SAP30BP: variants seen among roughly 807,000 people sequenced by gnomAD.
SAP30BP encodes SAP30 binding protein.
In SAP30BP, 31 loss-of-function variants were observed where a neutral mutation model predicts 46.3. The observed-to-expected ratio is 0.67, with a 90% CI of 0.50 to 0.90. SAP30BP has a LOEUF of 0.90. SAP30BP is among the 40% of genes least tolerant of loss of function. The pLI is 0.00. For missense variants in SAP30BP, 312 were observed against 391.0 expected (o/e 0.80, Z 1.70); for synonymous variants, 169 against 144.2 (o/e 1.17, Z -1.23).
chr17:75,687,920 GT>G (rs869119664), intron 3 of SAP30BP, among the ~76,000 whole-genome samples: 1 of 90,360 alleles, frequency 1.1e-5, no homozygotes, highest in African/African-American at 3.7e-5. Flanking sequence ...TGTTTGGGGT[GT>G]GTGTGTGTGT....
chr17:75,674,330 T>C (rs1054244912), intron 3 of SAP30BP, among the ~76,000 whole-genome samples: 1 of 152,174 alleles, frequency 6.6e-6, no homozygotes, highest in Non-Finnish European at 1.5e-5. Context: ...AGTCTTGCTC[T>C]GTCGCTCAGG....
chr17:75,682,345 C>T (rs933337873), intron 3 of SAP30BP, among the ~76,000 whole-genome samples: 3 of 151,976 alleles, frequency 2.0e-5, no homozygotes, highest in South Asian at 2.1e-4. Flanking sequence ...CCACCACACC[C>T]GGCTAATTTT....
chr17:75,703,933 C>T (rs1265478821), intron 8 of SAP30BP, 74 bp downstream of exon 8: 1 of 1,086,724 alleles, frequency 9.2e-7, no homozygotes, highest in Non-Finnish European at 1.4e-6. Flanking sequence ...AGTTGGTTAT[C>T]CAGGTGACAC....
intron 9 of SAP30BP, chr17:75,705,757 G>A: frequency 1.8e-6 from 2 of 1,099,530 alleles, no homozygotes; most frequent in Non-Finnish European, 2.4e-6. Context: ...GGCGGGGGGT[G>A]CCGGGCATGT....
At chr17:75,684,055 G>A (rs2148392553) in intron 3 of SAP30BP, 1 of 152,322 alleles carries the variant, frequency 6.6e-6, no homozygotes, top group Admixed American at 6.5e-5. Flanking sequence ...TGAACCAACA[G>A]CTTCCTAGAA....
At chr17:75,692,194 C>T in intron 3 of SAP30BP, 1 of 984,906 alleles carries the variant, frequency 1.0e-6, no homozygotes, top group Non-Finnish European at 1.2e-6. Flanking sequence ...TCAGGAGGGA[C>T]TTTCTGGAAA....
intron 4 of SAP30BP, 55 bp downstream of exon 4, chr17:75,693,537 G>A (rs1938682396): frequency 1.9e-6 from 3 of 1,567,466 alleles, no homozygotes; most frequent in Non-Finnish European, 2.6e-6. Context: ...CTAGCAGCCT[G>A]GCTTCCAGCC....
intron 3 of SAP30BP, among the ~76,000 whole-genome samples, chr17:75,683,139 G>A (rs868022450): frequency 2.7e-5 from 4 of 149,978 alleles, no homozygotes; most frequent in Admixed American, 2.0e-4. Flanking sequence ...CCCTCCTGGG[G>A]TTCAAGCAAT....
chr17:75,693,311 C>T, intron 3 of SAP30BP, 129 bp from the exon 4 acceptor site: 1 of 742,836 alleles, frequency 1.3e-6, no homozygotes, highest in Non-Finnish European at 2.3e-6. Flanking sequence ...GAAGCATCAG[C>T]TTACCCTTAG....
intron 3 of SAP30BP, among the ~76,000 whole-genome samples, chr17:75,682,586 A>G (rs1317456027): frequency 6.6e-6 from 1 of 152,208 alleles, no homozygotes; most frequent in Non-Finnish European, 1.5e-5. Context: ...ATCTATATAT[A>G]AACATTTTCA....
intron 9 of SAP30BP, chr17:75,705,038 C>T (rs1185906551): frequency 1.9e-6 from 1 of 533,268 alleles, no homozygotes; most frequent in Non-Finnish European, 3.4e-6. Flanking sequence ...TACATTGTGC[C>T]CCCCTTTCCT....
chr17:75,695,517 T>A (rs573960562), intron 4 of SAP30BP, among the ~76,000 whole-genome samples: 19 of 152,226 alleles, frequency 1.2e-4, no homozygotes, highest in Non-Finnish European at 2.1e-4. Flanking sequence ...GATTCACCCA[T>A]GAGGACACAA....
rs960193029 is a variant in SAP30BP at position 75,705,649 on chromosome 17, G to A, written c.661-359G>A. On this transcript the variant is annotated intron_variant, in intron 9 of 10. Transcript: ENST00000584667. ...ACGTGTCTGCAGCGCCTGGGGACCG[G>A]AGCTGTCCTTCCCCTGTGCGGGCGG... The A allele has an allele frequency of 4.6e-6, 5 of 1,090,308 alleles. No homozygotes were observed. In the South Asian group the frequency reaches 1.4e-4, roughly 30 times the overall value. The allele number at this position is 1,090,308 out of a possible 1,614,324, so 67.5% of individuals were successfully genotyped here.
At chr17:75,702,449 A>AC (rs759183329) in intron 5 of SAP30BP, 31 bp from the exon 6 acceptor site, 379 of 1,033,332 alleles carry the variant, frequency 3.7e-4, no homozygotes, top group Non-Finnish European at 5.2e-4. Flanking sequence ...TCTGTCATAC[A>AC]CCCCCCCACC....
chr17:75,676,067 T>A (rs1413503781), intron 3 of SAP30BP, among the ~76,000 whole-genome samples: 1 of 152,272 alleles, frequency 6.6e-6, no homozygotes, highest in Non-Finnish European at 1.5e-5. Flanking sequence ...TGGGTACATA[T>A]AACTGCTTTT....
At chr17:75,678,964 C>T (rs2049519272) in intron 3 of SAP30BP, among the ~76,000 whole-genome samples, 1 of 151,790 alleles carries the variant, frequency 6.6e-6, no homozygotes, top group Non-Finnish European at 1.5e-5. Flanking sequence ...GTAGTGAGCT[C>T]CCTGTTTCTA....
At chr17:75,705,958 G>A in intron 9 of SAP30BP, 50 bp from the exon 10 acceptor site, 4 of 1,606,426 alleles carry the variant, frequency 2.5e-6, no homozygotes, top group Non-Finnish European at 3.4e-6. Context: ...GCAAAAAGCT[G>A]TGGACACCCA....
rs371095362 is a variant in SAP30BP at position 75,683,168 on chromosome 17, C to T, written c.265-10272C>T. Among the ~76,000 whole-genome samples the T allele has an allele frequency of 5.3e-5, 8 of 150,468 alleles. No individual in the cohort carries two copies. The East Asian group carries it at 1.6e-3, about 30-fold the overall frequency. ...AAGCAATTCTTCTGCCTCAGCCTCC[C>T]CAATAGCTGGGACTACAGGTGCACA... On this transcript the variant is annotated intron_variant, in intron 3 of 10. Transcript: ENST00000584667.
rs146901796 is a variant in SAP30BP, at chr17:75,680,572, T to C, written c.264+8709T>C. ...TGACTGCGGCGTGAGAGAATGTACA[T>C]GAAGGTGCTTTTCGCAGTATACAAT... On this transcript the variant is annotated intron_variant, in intron 3 of 10. Transcript: ENST00000584667. Among the ~76,000 whole-genome samples, 9 of 152,314 alleles carry C rather than the reference T, an allele frequency of 5.9e-5. No individual in the cohort carries two copies. In the East Asian group the frequency reaches 1.7e-3, roughly 29 times the overall value.
Sources: gnomAD v4.1 joint callset for allele counts (sites outside exome capture counted in the v4.1 genomes callset) on GRCh38, gnomAD v4.1.1 for gene constraint, MANE v1.5 for transcripts, NCBI Gene and HGNC (gene_info 2026-07-23, HGNC 2026-07-21) for gene names.